PABPC4L: variants seen among roughly 807,000 people sequenced by gnomAD.
PABPC4L encodes poly(A) binding protein cytoplasmic 4 like.
For missense variants in PABPC4L, 452 were observed against 451.4 expected, an observed-to-expected ratio of 1.00 and a Z score of -0.01; for synonymous variants, 169 against 164.1, an observed-to-expected ratio of 1.03 and a Z score of -0.23.
At position 134,201,010 on chromosome 4, in the gene PABPC4L, C is replaced by T. The variant is rs1195357509; in HGVS notation, c.10G>A (p.Ala4Thr). The T allele has an allele frequency of 1.9e-6, 3 of 1,551,872 alleles. No homozygotes were observed. The highest frequency in any genetic ancestry group is 2.4e-5 in the South Asian group (2 of 84,070). Reference protein sequence around the residue: MNVAAKYRMASLYV... With the variant: MNVTAKYRMASLYV... The stretch of plus-strand genomic sequence containing the variant: ...AGGGAGGCCATGCGGTACTTGGCTG[C>T]TACATTCATCTCCTTGTCCTTGCCA... Residue 4 changes from alanine to threonine, a missense_variant, in exon 2 of 2, where the codon GCA becomes ACA. By Grantham distance (58) the Ala-to-Thr change is moderately conservative (BLOSUM62 0). Coordinates refer to ENST00000421491, the MANE Select transcript of PABPC4L (RefSeq NM_001114734.2).
the PABPC4L span, among the ~76,000 whole-genome samples, chr4:134,045,542 A>C: frequency 6.6e-6 from 1 of 152,170 alleles, no homozygotes; most frequent in African/African-American, 2.4e-5. Flanking sequence ...CAGGGCAGAC[A>C]TAGTATGAAA....
At chr4:134,076,819 A>C in the PABPC4L span, among the ~76,000 whole-genome samples, 4 of 152,134 alleles carry the variant, frequency 2.6e-5, no homozygotes, top group South Asian at 8.3e-4. Flanking sequence ...CTAGTTTTAT[A>C]TACATATATG....
At chr4:134,149,887 T>C in the PABPC4L span, among the ~76,000 whole-genome samples, 3 of 152,096 alleles carry the variant, frequency 2.0e-5, no homozygotes, top group African/African-American at 7.2e-5. Flanking sequence ...GTAGCAATAC[T>C]TAGGGCTAAA....
At chr4:134,187,333 C>A in the PABPC4L span, among the ~76,000 whole-genome samples, 1 of 151,866 alleles carries the variant, frequency 6.6e-6, no homozygotes, top group Non-Finnish European at 1.5e-5. Flanking sequence ...GAAAATTTGG[C>A]ACATATACAC....
chr4:133,954,400 T>G, the PABPC4L span, among the ~76,000 whole-genome samples: 2 of 152,130 alleles, frequency 1.3e-5, no homozygotes, highest in Non-Finnish European at 2.9e-5. Flanking sequence ...ACATAGAGAA[T>G]TAAAACTTGG....
chr4:134,147,708 T>C, the PABPC4L span, among the ~76,000 whole-genome samples: 2 of 150,478 alleles, frequency 1.3e-5, no homozygotes, highest in Admixed American at 1.3e-4. Context: ...CTTTTGGTAG[T>C]CAATGTTCAG....
the PABPC4L span, among the ~76,000 whole-genome samples, chr4:134,147,253 T>C: frequency 1.8e-4 from 28 of 152,242 alleles, no homozygotes; most frequent in African/African-American, 6.5e-4. Context: ...TGAACTCAAT[T>C]GTTTGTCAAT....
At chr4:134,154,822 T>C in the PABPC4L span, among the ~76,000 whole-genome samples, 1 of 152,104 alleles carries the variant, frequency 6.6e-6, no homozygotes, top group African/African-American at 2.4e-5. Flanking sequence ...CTACTGTACT[T>C]CTTTTTAAAC....
chr4:134,055,552 C>A, the PABPC4L span, among the ~76,000 whole-genome samples: 1 of 150,960 alleles, frequency 6.6e-6, no homozygotes, highest in East Asian at 2.0e-4. Flanking sequence ...GCCACCTAGT[C>A]TGTGGTATTT....
the PABPC4L span, among the ~76,000 whole-genome samples, chr4:133,979,723 G>A: frequency 2.0e-5 from 3 of 152,114 alleles, no homozygotes; most frequent in South Asian, 2.1e-4. Context: ...GAGAATATCA[G>A]GCCTCATGTG....
chr4:134,092,246 C>T, the PABPC4L span, among the ~76,000 whole-genome samples: 1 of 151,978 alleles, frequency 6.6e-6, no homozygotes, highest in Non-Finnish European at 1.5e-5. Context: ...CACCCCCATC[C>T]TCTACCTATA....
the PABPC4L span, among the ~76,000 whole-genome samples, chr4:133,956,688 T>C: frequency 6.6e-6 from 1 of 152,266 alleles, no homozygotes; most frequent in East Asian, 1.9e-4. Flanking sequence ...TATCCAAGAC[T>C]GAGTAATTTA....
chr4:134,091,026 C>T, the PABPC4L span, among the ~76,000 whole-genome samples: 2 of 151,576 alleles, frequency 1.3e-5, no homozygotes, highest in Non-Finnish European at 2.9e-5. Flanking sequence ...TTAACCTGTG[C>T]AGTGATATAA....
chr4:134,017,114 A>G, the PABPC4L span, among the ~76,000 whole-genome samples: 1 of 152,038 alleles, frequency 6.6e-6, no homozygotes, highest in African/African-American at 2.4e-5. Flanking sequence ...TCAGCCAAGC[A>G]TTTTTTCAGG....
chr4:134,072,002 A>G, the PABPC4L span, among the ~76,000 whole-genome samples: 1 of 151,982 alleles, frequency 6.6e-6, no homozygotes, highest in East Asian at 1.9e-4. Context: ...ATACTGACAA[A>G]AGAATACATG....
the PABPC4L span, among the ~76,000 whole-genome samples, chr4:134,183,939 T>TG: frequency 6.6e-5 from 10 of 151,700 alleles, no homozygotes; most frequent in Admixed American, 2.6e-4. Flanking sequence ...TGTGTGTGTG[T>TG]AGAACTTAAC....
chr4:134,160,264 G>T, the PABPC4L span, among the ~76,000 whole-genome samples: 2 of 152,220 alleles, frequency 1.3e-5, no homozygotes, highest in East Asian at 3.9e-4. Context: ...AGGCAGCCCA[G>T]TGCAGAGAGA....
chr4:134,028,173 T>A, the PABPC4L span, among the ~76,000 whole-genome samples: 2 of 152,120 alleles, frequency 1.3e-5, no homozygotes, highest in African/African-American at 4.8e-5. Flanking sequence ...CCACTGTTTG[T>A]TGTTTAACAA....
the PABPC4L span, among the ~76,000 whole-genome samples, chr4:134,141,823 G>A: frequency 6.6e-6 from 1 of 151,630 alleles, no homozygotes; most frequent in Admixed American, 6.6e-5. Context: ...GATGGAAAAT[G>A]CAGGCACATT....
Sources: allele counts gnomAD v4.1 joint callset (sites outside exome capture counted in the v4.1 genomes callset), GRCh38; gene constraint gnomAD v4.1.1; transcripts MANE v1.5; gene names NCBI Gene and HGNC (gene_info 2026-07-23, HGNC 2026-07-21).